FLAD1: variants seen among roughly 807,000 people sequenced by gnomAD.
FLAD1 encodes the protein flavin adenine dinucleotide synthetase 1.
In FLAD1, 35 loss-of-function variants were observed where a neutral mutation model predicts 55.0. The observed-to-expected ratio is 0.64, with a 90% CI of 0.49 to 0.84. FLAD1 has a LOEUF of 0.84. Among genes scored for constraint, FLAD1 ranks in the 40% least tolerant of loss-of-function variants. The pLI, the probability that FLAD1 is intolerant of heterozygous loss-of-function variation, is 0.00. For missense variants in FLAD1, 665 were observed against 742.6 expected (o/e 0.90, Z 1.21); for synonymous variants, 267 against 303.0 (o/e 0.88, Z 1.23).
chr1:154,990,508 A>T lies in FLAD1; in HGVS notation c.1534A>T (p.Met512Leu). 1 of 1,608,130 alleles carries T rather than the reference A, an allele frequency of 6.2e-7. No homozygotes were observed. Among genetic ancestry groups the T allele is most frequent in the Non-Finnish European group, 8.5e-7 (1 of 1,176,940 alleles). Residue 512 changes from methionine (M) to leucine (L), a missense_variant, in exon 5 of 7, where the codon ATG (methionine) becomes TTG (leucine). Coordinates refer to ENST00000292180, the MANE Select transcript of FLAD1 (RefSeq NM_025207.5). ...CACTGACCCAGGCTGGCCCGCATTC[A>T]TGCGCATCAACCCACTGCTGGTAAT... ...SPTDPGWPAF[M>L]RINPLLDWTY...
chr1:154,990,876 T>C (rs1657827044), intron 5 of FLAD1: 1 of 172,538 alleles, frequency 5.8e-6, no homozygotes, highest in African/African-American at 2.4e-5. Flanking sequence ...ATGAATTTGA[T>C]GGTATGTGGA....
intron 1 of FLAD1, among the ~76,000 whole-genome samples, chr1:154,985,507 A>G (rs1304483676): frequency 1.3e-5 from 2 of 151,090 alleles, no homozygotes; most frequent in Admixed American, 6.6e-5. Flanking sequence ...GGTTCAAGCA[A>G]TTCTCCTGTC....
intron 1 of FLAD1, among the ~76,000 whole-genome samples, chr1:154,984,452 G>C (rs555332049): frequency 6.6e-6 from 1 of 152,186 alleles, no homozygotes; most frequent in South Asian, 2.1e-4. Context: ...GGTGGCTCAC[G>C]CATGTAATCC....
In FLAD1 at chr1:154,983,860, C is replaced by G. The variant is rs770864376; in HGVS notation, c.166C>G (p.Pro56Ala). 2.5e-6 allele frequency: 4 copies of G among 1,614,026 alleles called. No homozygotes were observed. The highest frequency in any genetic ancestry group is 1.7e-5 in the Admixed American group (1 of 59,996). Residue 56 changes from proline (P) to alanine (A), a missense_variant, in exon 1 of 7, where the codon CCC becomes GCC. Physicochemically the swap from Pro to Ala is conservative, Grantham distance 27. Coordinates refer to ENST00000292180, the MANE Select transcript of FLAD1 (RefSeq NM_025207.5). Reference protein sequence around the residue: ...WLLQVPSTQDPLFPGYGPQCP... With the variant: ...WLLQVPSTQDALFPGYGPQCP... ...TCTCCAGGTTCCCTCGACCCAGGAC[C>G]CCCTGTTCCCAGGCTATGGCCCCCA...
rs769041421 is a variant in FLAD1 at position 154,990,330 on chromosome 1, C to T, written c.1365-9C>T. On this transcript the variant is annotated splice_polypyrimidine_tract_variant and intron_variant, in intron 4 of 6. Transcript: ENST00000292180. ...CCACGCCCGACCCCTACTTCTGTTT[C>T]TTCCTAAGGTATAATCTGCAGATGT... The T allele has an allele frequency of 1.9e-6, 3 of 1,613,530 alleles. No individual in the cohort carries two copies. The highest frequency in any genetic ancestry group is 2.5e-6 in the Non-Finnish European group (3 of 1,179,512).
Position 154,983,629 on chromosome 1 carries a change from A to C in FLAD1, c.-66A>C. The C allele has an allele frequency of 6.6e-7, 1 of 1,516,908 alleles. No individual in the cohort carries two copies. The highest frequency in any genetic ancestry group is 1.3e-5 in the South Asian group (1 of 79,024). 94.0% of individuals were successfully genotyped at this position (1,516,908 alleles called of 1,614,324 possible). ...CAGCTCAGCAAACGGAAGACACTTA[A>C]AGTGGTAGGTTCTCAAGAGAGAAGA... is the stretch of plus-strand genomic sequence containing the variant. On this transcript the variant is annotated 5_prime_UTR_variant, in exon 1 of 7. Coordinates refer to ENST00000292180, the MANE Select transcript of FLAD1 (RefSeq NM_025207.5).
In FLAD1 at chr1:154,988,210, G is replaced by A. The variant is rs778295669; in HGVS notation, c.478G>A (p.Ala160Thr). Residue 160 changes from alanine (A) to threonine (T), a missense_variant, in exon 2 of 7, where the codon GCA (alanine) becomes ACA (threonine). Ala to Thr is a moderately conservative substitution (Grantham distance 58). Transcript: ENST00000292180. Reference sequence around the variant, plus strand: ...TGTACCTGATGAGGTAGCCACCATTGCAGCTGAGGTCACTTCTTTCTCCAA... The same window carrying A: ...TGTACCTGATGAGGTAGCCACCATTACAGCTGAGGTCACTTCTTTCTCCAA... ...SVVPDEVATI[A>T]AEVTSFSNRF... is the part of the protein sequence containing the mutation. The A allele has an allele frequency of 5.0e-6, 8 of 1,614,238 alleles. No individual in the cohort carries two copies. The South Asian group carries it at 5.5e-5, about 11-fold the overall frequency.
intron 5 of FLAD1, chr1:154,992,471 C>A (rs750506784): frequency 1.7e-4 from 198 of 1,133,950 alleles, no homozygotes; most frequent in Non-Finnish European, 2.3e-4. Context: ...TTCTCCCTGT[C>A]CTCAAGCTCC....
intron 5 of FLAD1, among the ~76,000 whole-genome samples, chr1:154,992,187 G>A (rs1380687000): frequency 1.4e-5 from 2 of 147,686 alleles, no homozygotes; most frequent in African/African-American, 5.1e-5. Context: ...GCACACGCCT[G>A]TAATCCCAGC....
Position 154,990,226 on chromosome 1 carries a change from C to A in FLAD1, c.1333C>A (p.Leu445Met). The part of the protein sequence containing the change: ...YIRSISPFPE[L>M]EQFLQDTIKR... The stretch of plus-strand genomic sequence containing the variant: ...CCGCAGCATCTCCCCTTTCCCTGAG[C>A]TGGAACAGTTTCTACAGGACACTAT... Residue 445 changes from leucine to methionine, a missense_variant, in exon 4 of 7, where the codon CTG becomes ATG. By Grantham distance (15) the Leu-to-Met change is conservative. Transcript: ENST00000292180. The A allele has an allele frequency of 1.2e-6, 2 of 1,614,138 alleles. No homozygotes were observed. Among genetic ancestry groups the A allele is most frequent in the Non-Finnish European group, 1.7e-6 (2 of 1,179,984 alleles).
At position 154,990,277 on chromosome 1, in the gene FLAD1, T is replaced by A. The variant is rs1409888075; in HGVS notation, c.1364+20T>A. ...CAAGAGGTACTAGGGGCCTGGAGGT[T>A]TGGGCTCCAAGAGAAGCTTGACAGA... On this transcript the variant is annotated intron_variant, in intron 4 of 6. Transcript: ENST00000292180. The A allele has an allele frequency of 6.2e-7, 1 of 1,613,592 alleles. No homozygotes were observed. The highest frequency in any genetic ancestry group is 1.7e-5 in the Admixed American group (1 of 60,018).
At chr1:154,990,679 TC>T in intron 5 of FLAD1, 151 bp downstream of exon 5, 1 of 712,260 alleles carries the variant, frequency 1.4e-6, no homozygotes, top group South Asian at 2.3e-5. Flanking sequence ...TGTTCATTCA[TC>T]CTTTTGACCA....
At chr1:154,991,712 A>G (rs1260594427) in intron 5 of FLAD1, among the ~76,000 whole-genome samples, 2 of 152,062 alleles carry the variant, frequency 1.3e-5, no homozygotes, top group African/African-American at 4.8e-5. Context: ...TGGGAGGCCG[A>G]GGTGGGCTGA....
Position 154,983,726 on chromosome 1 carries a change from A to G in FLAD1, c.32A>G (p.Gln11Arg). 6 of 1,613,528 alleles carry G rather than the reference A, an allele frequency of 3.7e-6. No individual in the cohort carries two copies. The highest frequency in any genetic ancestry group is 5.1e-6 in the Non-Finnish European group (6 of 1,179,586). MGWDLGTRLF[Q>R]RQEQRSRLSR... ...TGGGATTTGGGAACACGTTTATTCC[A>G]GAGGCAGGAACAAAGGAGTCGCTTG... The change falls in exon 1 of 7, where the codon CAG becomes CGG. Residue 11 changes from glutamine (Q) to arginine (R), a missense_variant. Transcript: ENST00000292180.
intron 5 of FLAD1, among the ~76,000 whole-genome samples, chr1:154,992,190 A>G (rs187324744): frequency 1.3e-4 from 20 of 150,178 alleles, no homozygotes; most frequent in Admixed American, 8.0e-4. Context: ...CACGCCTGTA[A>G]TCCCAGCACT....
chr1:154,989,557 C>A lies in FLAD1; in HGVS notation c.1118-3C>A. 1.3e-6 allele frequency: 2 copies of A among 1,561,222 alleles called. No homozygotes were observed. The highest frequency in any genetic ancestry group is 1.4e-5 in the African/African-American group (1 of 72,828). ...GATGCCCTCTTCCCTGCCTGCTTGGCAGGGTCTTCTTTGGGGAAAAAGGTG... is the reference window on the plus strand; with the variant it reads ...GATGCCCTCTTCCCTGCCTGCTTGGAAGGGTCTTCTTTGGGGAAAAAGGTG... On this transcript the variant is annotated splice_region_variant and splice_polypyrimidine_tract_variant and intron_variant, in intron 2 of 6. Transcript: ENST00000292180.
Position 154,989,543 on chromosome 1 carries a change from C to T in FLAD1, c.1118-17C>T. ...ATATGTGTCCATCTGATGCCCTCTT[C>T]CCTGCCTGCTTGGCAGGGTCTTCTT... On this transcript the variant is annotated splice_polypyrimidine_tract_variant and intron_variant, in intron 2 of 6. Transcript: ENST00000292180. 1 of 1,549,486 alleles carries T rather than the reference C, an allele frequency of 6.5e-7. No homozygotes were observed. Among genetic ancestry groups the T allele is most frequent in the Non-Finnish European group, 8.7e-7 (1 of 1,147,320 alleles).
rs34858109 is a variant in FLAD1 at position 154,984,085 on chromosome 1, AGG to A, written c.372+24_372+25del. ...CCTTAAGGTGTGTCTGGGACAGAAA[AGG>A]GGGGAGGGCGCTGCGTTCTCCTGTC... On this transcript the variant is annotated intron_variant, in intron 1 of 6. Coordinates refer to ENST00000292180, the MANE Select transcript of FLAD1 (RefSeq NM_025207.5). The A allele has an allele frequency of 2.0e-4, 294 of 1,482,396 alleles. No individual in the cohort carries two copies. Among genetic ancestry groups the A allele is most frequent in the Non-Finnish European group, 2.3e-4 (255 of 1,113,450 alleles). The allele number at this position is 1,482,396 out of a possible 1,614,324, so 91.8% of individuals were successfully genotyped here.
intron 1 of FLAD1, among the ~76,000 whole-genome samples, chr1:154,985,220 GT>G (rs1439853863): frequency 7.6e-6 from 1 of 131,442 alleles, no homozygotes; most frequent in African/African-American, 3.4e-5. Context: ...GTAAATTTGT[GT>G]TTTTTTTGTT....
Sources: allele counts gnomAD v4.1 joint callset (sites outside exome capture counted in the v4.1 genomes callset), GRCh38; gene constraint gnomAD v4.1.1; transcripts MANE v1.5; gene names NCBI Gene and HGNC (gene_info 2026-07-23, HGNC 2026-07-21).